The following PDGFD variants were observed in gnomAD, a reference collection of about 807,000 sequenced individuals.
PDGFD encodes platelet-derived growth factor D.
PDGFD carries 30 observed loss-of-function variants against 44.7 expected under a neutral mutation model. The observed-to-expected ratio is 0.67, with a 90% CI of 0.50 to 0.91. The LOEUF is 0.91. Ranked by LOEUF, PDGFD falls within the 40% of genes least tolerant of loss-of-function variation. PDGFD has a pLI of 0.00. For missense variants in PDGFD, 445 were observed against 457.8 expected (o/e 0.97, Z 0.25); for synonymous variants, 173 against 168.4 (o/e 1.03, Z -0.21).
intron 6 of PDGFD, among the ~76,000 whole-genome samples, chr11:103,921,728 CAAG>C (rs977259678): frequency 7.9e-5 from 12 of 151,066 alleles, no homozygotes; most frequent in Middle Eastern, 3.2e-3. Flanking sequence ...TACCTTAGAA[CAAG>C]AAGAAGTCAT....
At chr11:103,925,378 T>A (rs916084526) in intron 6 of PDGFD, among the ~76,000 whole-genome samples, 2 of 152,160 alleles carry the variant, frequency 1.3e-5, no homozygotes. Flanking sequence ...TTCCTAACAA[T>A]GATGTTTGCT....
Position 104,000,135 on chromosome 11 carries a change from CGCCAT to C in PDGFD, c.240_244del (p.Trp81AlafsTer14), listed in dbSNP as rs778370851. On this transcript the variant is annotated frameshift_variant, in exon 2 of 7. Transcript: ENST00000393158. LOFTEE classifies it high-confidence loss of function. ...CCGTGTATTCTCCTGAGAGTGAAGC[CGCCAT>C]GTCAGGAGCAGGTTCCTGGGGTAGC... 6.2e-7 allele frequency: 1 copy of C among 1,614,008 alleles called. No homozygotes were observed. Among genetic ancestry groups the C allele is most frequent in the South Asian group, 1.1e-5 (1 of 91,072 alleles).
At chr11:103,927,257 G>A in intron 5 of PDGFD, 131 bp from the exon 6 acceptor site, 1 of 761,830 alleles carries the variant, frequency 1.3e-6, no homozygotes, top group Non-Finnish European at 2.1e-6. Flanking sequence ...CCATCCTCAG[G>A]CTCTCAATTA....
intron 3 of PDGFD, among the ~76,000 whole-genome samples, chr11:103,977,676 A>G (rs904786946): frequency 2.6e-5 from 4 of 152,106 alleles, no homozygotes; most frequent in Non-Finnish European, 4.4e-5. Context: ...GAAGTAATGC[A>G]TATGTTTCTT....
intron 1 of PDGFD, among the ~76,000 whole-genome samples, chr11:104,082,872 G>A (rs796739027): frequency 3.0e-4 from 46 of 152,116 alleles, no homozygotes; most frequent in African/African-American, 1.1e-3. Flanking sequence ...TCCCTCCTTG[G>A]TCTCCCAAAC....
chr11:103,971,192 G>T (rs1337833522), intron 3 of PDGFD, among the ~76,000 whole-genome samples: 1 of 151,906 alleles, frequency 6.6e-6, no homozygotes, highest in East Asian at 1.9e-4. Context: ...TATTTGCCTG[G>T]AATATATTTT....
intron 6 of PDGFD, among the ~76,000 whole-genome samples, chr11:103,923,137 T>A (rs1858250845): frequency 6.6e-6 from 1 of 152,172 alleles, no homozygotes. Context: ...TATTCTGTCT[T>A]TTGTTATAGT....
At chr11:104,157,594 T>C (rs1862324919) in intron 1 of PDGFD, among the ~76,000 whole-genome samples, 2 of 152,318 alleles carry the variant, frequency 1.3e-5, no homozygotes, top group South Asian at 2.1e-4. Context: ...TGAAATGACT[T>C]GTCCAGAATC....
intron 1 of PDGFD, among the ~76,000 whole-genome samples, chr11:104,102,088 A>C (rs528430622): frequency 3.1e-4 from 47 of 152,308 alleles, no homozygotes; most frequent in Non-Finnish European, 5.3e-4. Flanking sequence ...GGATCTAATT[A>C]AACTAAAAAG....
chr11:104,142,751 T>C (rs867988735), intron 1 of PDGFD, among the ~76,000 whole-genome samples: 1 of 152,332 alleles, frequency 6.6e-6, no homozygotes. Flanking sequence ...GTTGCTGTGC[T>C]AAAATCTTCT....
chr11:103,914,982 C>T (rs1858096172), intron 6 of PDGFD, among the ~76,000 whole-genome samples: 1 of 152,122 alleles, frequency 6.6e-6, no homozygotes, highest in African/African-American at 2.4e-5. Flanking sequence ...AAACCCACAG[C>T]CAATATCATA....
intron 1 of PDGFD, among the ~76,000 whole-genome samples, chr11:104,098,919 A>G (rs1861326516): frequency 6.6e-6 from 1 of 152,178 alleles, no homozygotes; most frequent in Admixed American, 6.6e-5. Context: ...TCCTTGCCTT[A>G]TCTTTGAGAC....
rs371369516 is a variant in PDGFD, at chr11:103,947,655, T to C, written c.573+7A>G. 1.1e-5 allele frequency: 18 copies of C among 1,611,018 alleles called. No homozygotes were observed. In the East Asian group the frequency reaches 3.8e-4, roughly 34 times the overall value. On this transcript the variant is annotated splice_region_variant and intron_variant, in intron 4 of 6. Coordinates refer to ENST00000393158, the MANE Select transcript of PDGFD (RefSeq NM_025208.5). ...TTTTGCTGGCAACAGAGTAATAAAT[T>C]ACTTACTGAAATAGAGCTTGTGACA...
intron 1 of PDGFD, among the ~76,000 whole-genome samples, chr11:104,117,879 AC>A (rs1861664982): frequency 6.6e-6 from 1 of 151,970 alleles, no homozygotes; most frequent in African/African-American, 2.4e-5. Flanking sequence ...AGTAGAAAAA[AC>A]AATCCTAAAA....
At chr11:103,955,461 C>G (rs1858829121) in intron 3 of PDGFD, among the ~76,000 whole-genome samples, 1 of 152,108 alleles carries the variant, frequency 6.6e-6, no homozygotes, top group Admixed American at 6.5e-5. Flanking sequence ...TTAACGTCTA[C>G]AGGAATAGAA....
intron 1 of PDGFD, among the ~76,000 whole-genome samples, chr11:104,035,111 G>A (rs1355530067): frequency 6.6e-6 from 1 of 152,052 alleles, no homozygotes; most frequent in African/African-American, 2.4e-5. Flanking sequence ...GTCAGAGAGA[G>A]GCATATTGGC....
At chr11:103,974,769 G>C (rs570697819) in intron 3 of PDGFD, among the ~76,000 whole-genome samples, 9 of 152,260 alleles carry the variant, frequency 5.9e-5, no homozygotes, top group African/African-American at 2.2e-4. Flanking sequence ...TCTTGTGTTA[G>C]TTTGCTGAGA....
intron 1 of PDGFD, among the ~76,000 whole-genome samples, chr11:104,009,865 C>T (rs996318176): frequency 3.3e-5 from 5 of 152,096 alleles, no homozygotes; most frequent in Non-Finnish European, 5.9e-5. Flanking sequence ...TGTTTGCTAA[C>T]GCACTGAAGC....
At chr11:103,960,076 C>T (rs1858913111) in intron 3 of PDGFD, among the ~76,000 whole-genome samples, 1 of 152,158 alleles carries the variant, frequency 6.6e-6, no homozygotes, top group South Asian at 2.1e-4. Flanking sequence ...AAATTTTAAT[C>T]CCAGATTGGT....
Sources: gnomAD v4.1 joint callset for allele counts (sites outside exome capture counted in the v4.1 genomes callset) on GRCh38, gnomAD v4.1.1 for gene constraint, MANE v1.5 for transcripts, NCBI Gene and HGNC (gene_info 2026-07-23, HGNC 2026-07-21) for gene names.